Variants in HIVEP1 observed in about 807,000 individuals in gnomAD.
HIVEP1 encodes the protein HIVEP zinc finger 1.
In HIVEP1, 36 loss-of-function variants were observed where a neutral mutation model predicts 180.0. The observed-to-expected ratio is 0.20, with a 90% CI of 0.15 to 0.26. The LOEUF is 0.26. Among genes scored for constraint, HIVEP1 ranks in the 10% least tolerant of loss-of-function variants. The pLI, the probability that HIVEP1 is intolerant of heterozygous loss-of-function variation, is 1.00. For synonymous variants in HIVEP1, 1,239 were observed against 1,239.0 expected (o/e 1.00, Z 0.00); for missense variants, 3,143 against 3,268.7 (o/e 0.96, Z 0.94).
At chr6:12,107,478 T>C (rs145825021) in intron 3 of HIVEP1, among the ~76,000 whole-genome samples, 2 of 152,314 alleles carry the variant, frequency 1.3e-5, no homozygotes, top group East Asian at 1.9e-4. Context: ...GTGTCCAGAA[T>C]TGGTGGGTTC....
intron 2 of HIVEP1, among the ~76,000 whole-genome samples, chr6:12,025,954 C>T (rs1050868554): frequency 1.3e-5 from 2 of 151,938 alleles, no homozygotes; most frequent in African/African-American, 4.8e-5. Flanking sequence ...GCAGGAGAAT[C>T]GCTTGAGCCT....
chr6:12,125,960 T>C (rs1758045544), intron 4 of HIVEP1, 90 bp downstream of exon 4: 1 of 759,596 alleles, frequency 1.3e-6, no homozygotes, highest in Non-Finnish European at 2.1e-6. Flanking sequence ...ACTGGAAATA[T>C]TTTAATTTTG....
intron 2 of HIVEP1, among the ~76,000 whole-genome samples, chr6:12,028,679 C>T (rs1203590938): frequency 3.3e-5 from 5 of 152,216 alleles, no homozygotes; most frequent in African/African-American, 7.2e-5. Flanking sequence ...AGTTATACTA[C>T]TGTATACTGT....
chr6:12,148,586 T>C (rs912723657), intron 7 of HIVEP1, among the ~76,000 whole-genome samples: 1 of 152,236 alleles, frequency 6.6e-6, no homozygotes, highest in Non-Finnish European at 1.5e-5. Context: ...ATCTCTCATC[T>C]TCTTAATCTA....
At chr6:12,146,336 G>A (rs1581781368) in intron 7 of HIVEP1, among the ~76,000 whole-genome samples, 1 of 152,302 alleles carries the variant, frequency 6.6e-6, no homozygotes, top group Admixed American at 6.5e-5. Flanking sequence ...CCAGCTGTTT[G>A]GGAGGCTGAG....
intron 5 of HIVEP1, 127 bp downstream of exon 5, chr6:12,130,019 CAG>C: frequency 1.6e-6 from 1 of 644,504 alleles, no homozygotes; most frequent in Non-Finnish European, 2.8e-6. Flanking sequence ...AGCATATTAA[CAG>C]AATCTCCATA....
At chr6:12,084,816 A>G (rs943703672) in intron 2 of HIVEP1, among the ~76,000 whole-genome samples, 2 of 152,092 alleles carry the variant, frequency 1.3e-5, no homozygotes, top group Non-Finnish European at 2.9e-5. Flanking sequence ...CGCAGAGGCT[A>G]TATGGTACCC....
downstream of HIVEP1, among the ~76,000 whole-genome samples, chr6:12,166,774 G>C (rs1389696128): frequency 6.6e-6 from 1 of 152,100 alleles, no homozygotes; most frequent in East Asian, 1.9e-4. Flanking sequence ...TTGCACTGTC[G>C]TGTGTGGAGA....
At chr6:12,116,697 A>G (rs545716187) in intron 3 of HIVEP1, among the ~76,000 whole-genome samples, 1 of 152,122 alleles carries the variant, frequency 6.6e-6, no homozygotes, top group Non-Finnish European at 1.5e-5. Context: ...CAAAATCCAG[A>G]AGAATGAACA....
chr6:12,161,934 A>G lies in HIVEP1; in HGVS notation c.6978+5A>G. ...AAAGCTGTTGCTATAACACAGGTAA[A>G]TGATTGGCAGTTGTTCTTTTATTTC... On this transcript the variant is annotated splice_donor_5th_base_variant and intron_variant, in intron 8 of 8. Transcript: ENST00000379388. 2 of 1,591,896 alleles carry G rather than the reference A, an allele frequency of 1.3e-6. No individual in the cohort carries two copies. Among genetic ancestry groups the G allele is most frequent in the South Asian group, 1.1e-5 (1 of 88,990 alleles).
Position 12,121,069 on chromosome 6 carries a change from T to C in HIVEP1, c.1274T>C (p.Ile425Thr), listed in dbSNP as rs760466347. 6.2e-7 allele frequency: 1 copy of C among 1,614,136 alleles called. No individual in the cohort carries two copies. The highest frequency in any genetic ancestry group is 8.5e-7 in the Non-Finnish European group (1 of 1,179,962). The change falls in exon 4 of 9, where the codon ATC (isoleucine) becomes ACC (threonine). Residue 425 changes from isoleucine to threonine, a missense_variant. This residue lies in a region of HIVEP1 where 28 missense variants were observed against 73.6 expected (regional missense o/e 0.38). Transcript: ENST00000379388. This position sits in a 1 kb window ranked among gnomAD's most constrained non-coding sequence, Gnocchi z 5.3. Reference protein sequence around the residue: ...CAKPSVLLKHIRSHTGERPYP... With the variant: ...CAKPSVLLKHTRSHTGERPYP... ...AAGCCTAGTGTGCTTTTAAAGCATA[T>C]CCGCTCCCACACTGGAGAGCGACCC...
At chr6:12,019,298 G>A (rs1016165018) in intron 2 of HIVEP1, among the ~76,000 whole-genome samples, 5 of 152,158 alleles carry the variant, frequency 3.3e-5, no homozygotes, top group Admixed American at 6.5e-5. Flanking sequence ...AGAAACTTCC[G>A]CGCTCCTCAC....
intron 2 of HIVEP1, among the ~76,000 whole-genome samples, chr6:12,028,973 T>C (rs1226912953): frequency 6.6e-6 from 1 of 152,264 alleles, no homozygotes; most frequent in Non-Finnish European, 1.5e-5. Context: ...AGTTTTTACA[T>C]GTAGCTTTTT....
At chr6:12,171,172 C>T in the HIVEP1 span, among the ~76,000 whole-genome samples, 5 of 152,128 alleles carry the variant, frequency 3.3e-5, no homozygotes, top group Non-Finnish European at 4.4e-5. Context: ...CTCCCTCTCC[C>T]AAGAAAAAGC....
At chr6:12,198,751 C>A in the HIVEP1 span, among the ~76,000 whole-genome samples, 1 of 152,166 alleles carries the variant, frequency 6.6e-6, no homozygotes, top group East Asian at 1.9e-4. Flanking sequence ...AAAGAGAGAA[C>A]CATGCAGATC....
chr6:12,015,037 TCA>T (rs1767644868), intron 1 of HIVEP1, among the ~76,000 whole-genome samples: 1 of 152,222 alleles, frequency 6.6e-6, no homozygotes, highest in South Asian at 2.1e-4. Context: ...CTACAGCTCC[TCA>T]CACGTTCCTG....
chr6:12,061,588 G>T (rs954245225), intron 2 of HIVEP1, among the ~76,000 whole-genome samples: 1 of 151,986 alleles, frequency 6.6e-6, no homozygotes, highest in African/African-American at 2.4e-5. Flanking sequence ...GCTTATATCT[G>T]AAGAGATGAA....
At chr6:12,152,637 T>A (rs1759771382) in intron 7 of HIVEP1, among the ~76,000 whole-genome samples, 1 of 152,244 alleles carries the variant, frequency 6.6e-6, no homozygotes, top group African/African-American at 2.4e-5. Flanking sequence ...TTTGCAGGTT[T>A]TTAAACTTTG....
chr6:12,122,520 G>A lies in HIVEP1; in HGVS notation c.2725G>A (p.Glu909Lys). The change falls in exon 4 of 9, where the codon GAA (glutamate) becomes AAA (lysine). Residue 909 changes from glutamate (E) to lysine (K), a missense_variant. Coordinates refer to ENST00000379388, the MANE Select transcript of HIVEP1 (RefSeq NM_002114.4). ...AGCCATAGAAGACTCTTCAGCAAAT[G>A]AAAGTCATGTTCTTGGTACTGGACA... Reference protein sequence around the residue: ...QAAIEDSSANESHVLGTGQSL... With the variant: ...QAAIEDSSANKSHVLGTGQSL... 1 of 1,614,210 alleles carries A rather than the reference G, an allele frequency of 6.2e-7. No homozygotes were observed.
Sources: gnomAD v4.1 joint callset for allele counts (sites outside exome capture counted in the v4.1 genomes callset) on GRCh38, gnomAD v4.1.1 for gene constraint, gnomAD v4.1.1 regional missense constraint, Gnocchi (gnomAD v3.1) non-coding constraint, MANE v1.5 for transcripts, NCBI Gene and HGNC (gene_info 2026-07-23, HGNC 2026-07-21) for gene names.